Variants in MIER1 observed in about 807,000 individuals in gnomAD.
MIER1 encodes MIER1 transcriptional regulator.
In MIER1, 40 loss-of-function variants were observed where a neutral mutation model predicts 75.7. That is an observed-to-expected ratio of 0.53 (90% CI 0.41 to 0.69). The LOEUF (loss-of-function observed/expected upper bound fraction) is 0.69. Ranked by LOEUF, MIER1 falls within the 30% of genes least tolerant of loss-of-function variation. MIER1 has a pLI of 0.00. For missense variants in MIER1, 574 were observed against 680.2 expected, an observed-to-expected ratio of 0.84 and a Z score of 1.74; for synonymous variants, 213 against 223.4, an observed-to-expected ratio of 0.95 and a Z score of 0.42.
intron 2 of MIER1, among the ~76,000 whole-genome samples, chr1:66,934,519 C>T (rs1043187366): frequency 4.3e-4 from 65 of 150,228 alleles, no homozygotes; most frequent in African/African-American, 1.5e-3. Context: ...ATCAATCCTT[C>T]CCTCAGAGCC....
At chr1:66,962,956 G>A (rs1455757664) in intron 7 of MIER1, 132 bp from the exon 8 acceptor site, 8 of 575,654 alleles carry the variant, frequency 1.4e-5, no homozygotes, top group Non-Finnish European at 1.8e-5. Context: ...GTACCTCTGA[G>A]GTAGTTAATT....
At chr1:66,970,144 A>G (rs1663307760) in intron 8 of MIER1, among the ~76,000 whole-genome samples, 1 of 152,158 alleles carries the variant, frequency 6.6e-6, no homozygotes, top group African/African-American at 2.4e-5. Context: ...TTACTTTTTG[A>G]GTTTTAATTA....
At chr1:66,941,255 C>CT (rs920489662) in intron 3 of MIER1, among the ~76,000 whole-genome samples, 5 of 152,242 alleles carry the variant, frequency 3.3e-5, no homozygotes, top group African/African-American at 1.2e-4. Flanking sequence ...GCATCTTACT[C>CT]TTTTTAATAT....
At chr1:66,957,123 G>T (rs1558066530) in intron 4 of MIER1, among the ~76,000 whole-genome samples, 1 of 152,134 alleles carries the variant, frequency 6.6e-6, no homozygotes, top group Non-Finnish European at 1.5e-5. Context: ...ATGTTCACAT[G>T]ATTTGGATTA....
At chr1:66,934,111 T>C (rs1358190155) in intron 2 of MIER1, among the ~76,000 whole-genome samples, 1 of 152,202 alleles carries the variant, frequency 6.6e-6, no homozygotes, top group African/African-American at 2.4e-5. Flanking sequence ...AAAAATTGTT[T>C]TTGCAAATTG....
chr1:66,964,155 T>A (rs2101780927), intron 8 of MIER1, among the ~76,000 whole-genome samples: 1 of 150,096 alleles, frequency 6.7e-6, no homozygotes, highest in South Asian at 2.2e-4. Context: ...CACTGCAACC[T>A]CCACCTCCTG....
intron 4 of MIER1, among the ~76,000 whole-genome samples, chr1:66,957,542 A>G (rs939651822): frequency 2.0e-5 from 3 of 150,864 alleles, no homozygotes; most frequent in Non-Finnish European, 4.4e-5. Flanking sequence ...TATATGGTTA[A>G]TGTAGTCCAT....
At chr1:66,930,685 A>AG in intron 2 of MIER1, among the ~76,000 whole-genome samples, 1 of 152,056 alleles carries the variant, frequency 6.6e-6, no homozygotes, top group Non-Finnish European at 1.5e-5. Flanking sequence ...CCGCCGGGGA[A>AG]GGGGTGCCTG....
At chr1:66,930,236 C>T in intron 2 of MIER1, 1 of 1,444,128 alleles carries the variant, frequency 6.9e-7, no homozygotes, top group South Asian at 1.4e-5. Flanking sequence ...GTGGTGGGCG[C>T]GCTCGGGCGG....
chr1:66,959,094 T>C (rs768750847), intron 6 of MIER1, 111 bp downstream of exon 6: 4 of 898,874 alleles, frequency 4.5e-6, no homozygotes, highest in Non-Finnish European at 6.8e-6. Context: ...GAAATTCTTT[T>C]CAACAGTAAA....
chr1:66,957,096 G>A (rs1223734896), intron 4 of MIER1, among the ~76,000 whole-genome samples: 2 of 152,136 alleles, frequency 1.3e-5, no homozygotes, highest in Non-Finnish European at 2.9e-5. Flanking sequence ...GTATGTGGGT[G>A]TGCATGAGTG....
At position 66,933,980 on chromosome 1, in the gene MIER1, A is replaced by G. The variant is rs189356254; in HGVS notation, c.169-6048A>G. On this transcript the variant is annotated intron_variant, in intron 2 of 13. Transcript: ENST00000401041. Reference sequence around the variant, plus strand: ...CTGGCTTGATGTTCATTCAAAATTCATTGCAGTGATTAAATTGTTCAAGTA... The same window carrying G: ...CTGGCTTGATGTTCATTCAAAATTCGTTGCAGTGATTAAATTGTTCAAGTA... Among the ~76,000 whole-genome samples the G allele has an allele frequency of 2.0e-5, 3 of 152,310 alleles. No individual in the cohort carries two copies. In the East Asian group the frequency reaches 5.8e-4, roughly 29 times the overall value.
At chr1:66,937,518 G>C (rs1655192442) in intron 2 of MIER1, among the ~76,000 whole-genome samples, 1 of 152,088 alleles carries the variant, frequency 6.6e-6, no homozygotes, top group Non-Finnish European at 1.5e-5. Context: ...CTGAGAGATG[G>C]AGGCTGCAGT....
intron 12 of MIER1, among the ~76,000 whole-genome samples, chr1:66,979,107 T>A (rs946916065): frequency 5.3e-5 from 8 of 152,134 alleles, no homozygotes; most frequent in Admixed American, 1.3e-4. Context: ...GTTTTTTTTT[T>A]ATAAAGTTTA....
intron 4 of MIER1, among the ~76,000 whole-genome samples, chr1:66,954,111 A>G (rs567225286): frequency 4.7e-4 from 72 of 152,174 alleles, no homozygotes; most frequent in Non-Finnish European, 9.7e-4. Context: ...CATCTCTTCA[A>G]TTTTTTCTTT....
At chr1:66,969,052 G>A (rs1007788076) in intron 8 of MIER1, among the ~76,000 whole-genome samples, 3 of 152,116 alleles carry the variant, frequency 2.0e-5, no homozygotes, top group South Asian at 2.1e-4. Context: ...TTTTATCATG[G>A]TAGTTTTATT....
In MIER1 at chr1:66,931,325, G is replaced by T. The variant is rs367931134; in HGVS notation, c.168+5083G>T. ...AAATGTTTAAAATATCTGAAGTTTT[G>T]TGGGATTTGTTTTGTTTCCGTTTTT... On this transcript the variant is annotated intron_variant, in intron 2 of 13. Coordinates refer to ENST00000401041, the MANE Select transcript of MIER1 (RefSeq NM_001077700.3). Among the ~76,000 whole-genome samples, 44 of 152,298 alleles carry T rather than the reference G, an allele frequency of 2.9e-4. 1 individual carries two copies. The Middle Eastern group carries it at 0.017, about 59-fold the overall frequency.
At chr1:66,964,802 A>G (rs969640307) in intron 8 of MIER1, among the ~76,000 whole-genome samples, 1 of 152,188 alleles carries the variant, frequency 6.6e-6, no homozygotes, top group Non-Finnish European at 1.5e-5. Context: ...ACTCAGGACT[A>G]GAAATCTTTA....
intron 12 of MIER1, among the ~76,000 whole-genome samples, chr1:66,977,985 T>A (rs1570515677): frequency 6.6e-6 from 1 of 151,834 alleles, no homozygotes. Context: ...GATCACAAGG[T>A]CAGGAGTTTG....
Sources: gnomAD v4.1 joint callset for allele counts (sites outside exome capture counted in the v4.1 genomes callset) on GRCh38, gnomAD v4.1.1 for gene constraint, MANE v1.5 for transcripts, NCBI Gene and HGNC (gene_info 2026-07-23, HGNC 2026-07-21) for gene names.